Variants in LOC128462377 observed in about 807,000 individuals in gnomAD.
chr16:89,354,330 A>C, the LOC128462377 span, among the ~76,000 whole-genome samples: 10 of 152,122 alleles, frequency 6.6e-5, no homozygotes, highest in African/African-American at 2.4e-4. Context: ...TCTCACTGTC[A>C]ATCTTTTTTG....
At chr16:89,389,875 G>A in the LOC128462377 span, among the ~76,000 whole-genome samples, 1 of 131,490 alleles carries the variant, frequency 7.6e-6, no homozygotes, top group Admixed American at 7.8e-5. Flanking sequence ...GATCACTGGG[G>A]CGAACACCGA....
At chr16:89,354,819 G>A in the LOC128462377 span, among the ~76,000 whole-genome samples, 352 of 151,574 alleles carry the variant, frequency 2.3e-3, 2 homozygotes, top group Non-Finnish European at 3.9e-3. Flanking sequence ...CCCAGGAGGC[G>A]GAGGTTGCAG....
At chr16:89,402,354 G>A in the LOC128462377 span, among the ~76,000 whole-genome samples, 1 of 152,092 alleles carries the variant, frequency 6.6e-6, no homozygotes, top group African/African-American at 2.4e-5. Flanking sequence ...GCCACAATAA[G>A]GTATCTGGGA....
At chr16:89,402,309 A>C in the LOC128462377 span, among the ~76,000 whole-genome samples, 3 of 152,150 alleles carry the variant, frequency 2.0e-5, no homozygotes, top group Middle Eastern at 3.2e-3. Flanking sequence ...CAGCGATACT[A>C]ATGTACAGTT....
the LOC128462377 span, among the ~76,000 whole-genome samples, chr16:89,382,379 G>T: frequency 1.3e-5 from 2 of 152,144 alleles, no homozygotes; most frequent in South Asian, 4.2e-4. Context: ...AGGCTGGAGG[G>T]CAATGGTGCA....
At chr16:89,407,591 C>A in the LOC128462377 span, among the ~76,000 whole-genome samples, 2 of 152,212 alleles carry the variant, frequency 1.3e-5, no homozygotes, top group African/African-American at 4.8e-5. Context: ...GAGGCCGAGG[C>A]AGGTGGATTG....
At chr16:89,398,110 TGGGA>T in the LOC128462377 span, among the ~76,000 whole-genome samples, 4 of 150,656 alleles carry the variant, frequency 2.7e-5, no homozygotes, top group African/African-American at 1.0e-4. Flanking sequence ...CTCAGCGCTC[TGGGA>T]GGCTGACAAG....
the LOC128462377 span, among the ~76,000 whole-genome samples, chr16:89,415,455 G>A: frequency 1.3e-5 from 2 of 149,682 alleles, no homozygotes; most frequent in African/African-American, 2.5e-5. Flanking sequence ...TAGTAGAGAC[G>A]GGGTTTCACC....
chr16:89,390,745 GA>G, the LOC128462377 span, among the ~76,000 whole-genome samples: 1 of 152,298 alleles, frequency 6.6e-6, no homozygotes, highest in South Asian at 2.1e-4. Context: ...AAACACCTGT[GA>G]AAATCTTTCA....
chr16:89,406,164 G>T, the LOC128462377 span, among the ~76,000 whole-genome samples: 1 of 151,198 alleles, frequency 6.6e-6, no homozygotes, highest in Admixed American at 6.6e-5. Context: ...TCCTAAGTCT[G>T]GTTATGCCCT....
At chr16:89,398,294 G>A in the LOC128462377 span, among the ~76,000 whole-genome samples, 2 of 150,320 alleles carry the variant, frequency 1.3e-5, no homozygotes, top group African/African-American at 4.9e-5. Flanking sequence ...TCAGCACTCT[G>A]GGAGGCTGAC....
the LOC128462377 span, among the ~76,000 whole-genome samples, chr16:89,391,598 C>G: frequency 6.6e-6 from 1 of 152,210 alleles, no homozygotes; most frequent in Non-Finnish European, 1.5e-5. Context: ...CCCCTACTAA[C>G]TGAGCTTAGA....
the LOC128462377 span, among the ~76,000 whole-genome samples, chr16:89,387,074 G>A: frequency 1.3e-5 from 2 of 152,154 alleles, no homozygotes; most frequent in African/African-American, 4.8e-5. Context: ...AGGAGCCACA[G>A]AAGGCCCCAG....
At chr16:89,416,881 G>C in the LOC128462377 span, among the ~76,000 whole-genome samples, 1 of 152,154 alleles carries the variant, frequency 6.6e-6, no homozygotes, top group Non-Finnish European at 1.5e-5. Flanking sequence ...CTGGGGTGTG[G>C]GGTGCTCCCT....
At chr16:89,389,975 G>A in the LOC128462377 span, among the ~76,000 whole-genome samples, 1 of 80,428 alleles carries the variant, frequency 1.2e-5, no homozygotes, top group East Asian at 3.6e-4. Context: ...GGCGAACACC[G>A]AGTGTGGCGG....
At chr16:89,398,450 G>T in the LOC128462377 span, among the ~76,000 whole-genome samples, 1 of 137,548 alleles carries the variant, frequency 7.3e-6, no homozygotes, top group Non-Finnish European at 1.6e-5. Context: ...TGAAACAGCT[G>T]AAGATTACCT....
At chr16:89,377,039 C>G in the LOC128462377 span, among the ~76,000 whole-genome samples, 3 of 152,176 alleles carry the variant, frequency 2.0e-5, no homozygotes, top group Non-Finnish European at 2.9e-5. Flanking sequence ...ATGCTTTGTC[C>G]GTGAAGTCAG....
chr16:89,411,648 A>G, the LOC128462377 span, among the ~76,000 whole-genome samples: 1 of 152,108 alleles, frequency 6.6e-6, no homozygotes, highest in East Asian at 1.9e-4. Flanking sequence ...TCCTGACCTC[A>G]GGCAATCCTC....
At chr16:89,337,631 G>A in the LOC128462377 span, among the ~76,000 whole-genome samples, 1 of 151,464 alleles carries the variant, frequency 6.6e-6, no homozygotes, top group Non-Finnish European at 1.5e-5. Context: ...TAGTAGAGAT[G>A]GGGTTTCACC....
Sources: allele counts gnomAD v4.1 joint callset (sites outside exome capture counted in the v4.1 genomes callset), GRCh38; gene constraint gnomAD v4.1.1; transcripts MANE v1.5.